The following ZBTB7C variants were observed in gnomAD, a reference collection of about 807,000 sequenced individuals.
The protein encoded by ZBTB7C is zinc finger and BTB domain containing 7C.
A neutral mutation model predicts 25.7 loss-of-function variants in ZBTB7C; 8 were observed. The ratio of observed to expected loss-of-function variants is 0.31; its 90% confidence interval spans 0.18 to 0.56. ZBTB7C has a LOEUF of 0.56. ZBTB7C is among the 20% of genes least tolerant of loss of function. The probability of loss-of-function intolerance (pLI) is 0.91; values close to 1 mark genes in which losing one functional copy is unlikely to be tolerated. For synonymous variants in ZBTB7C, 394 were observed against 369.0 expected, an observed-to-expected ratio of 1.07 and a Z score of -0.78; for missense variants, 824 against 855.2, an observed-to-expected ratio of 0.96 and a Z score of 0.46.
At chr18:48,271,062 A>G (rs1289854957) in intron 2 of ZBTB7C, among the ~76,000 whole-genome samples, 3 of 152,222 alleles carry the variant, frequency 2.0e-5, no homozygotes, top group African/African-American at 7.2e-5. Flanking sequence ...AAAAACCTGC[A>G]TACATTAGTA....
intron 3 of ZBTB7C, chr18:48,083,739 T>G: frequency 1.3e-6 from 1 of 780,534 alleles, no homozygotes; most frequent in Non-Finnish European, 1.6e-6. Context: ...AAAAATGAAA[T>G]TAAAGAAGTT....
intron 4 of ZBTB7C, among the ~76,000 whole-genome samples, chr18:48,037,236 C>A (rs2036011661): frequency 6.6e-6 from 1 of 152,356 alleles, no homozygotes; most frequent in East Asian, 1.9e-4. Flanking sequence ...GCAGCTTCAG[C>A]TGGAGACAGG....
At chr18:48,157,893 A>C (rs1421463130) in intron 3 of ZBTB7C, among the ~76,000 whole-genome samples, 1 of 152,196 alleles carries the variant, frequency 6.6e-6, no homozygotes, top group Non-Finnish European at 1.5e-5. Context: ...TGTGTGCCCC[A>C]TCCTGTGGGA....
intron 3 of ZBTB7C, among the ~76,000 whole-genome samples, chr18:48,054,409 G>A (rs568703931): frequency 2.0e-5 from 3 of 152,256 alleles, no homozygotes; most frequent in East Asian, 1.9e-4. Flanking sequence ...GAGCTGCCGT[G>A]GGGGGTGGCA....
Position 48,259,423 on chromosome 18 carries a change from A to C in ZBTB7C, c.-78-73428T>G, listed in dbSNP as rs1268839062. 1.3e-5 allele frequency among the ~76,000 whole-genome samples: 2 copies of C among 148,756 alleles called. 1 individual carries two copies. Among genetic ancestry groups the C allele is most frequent in the Non-Finnish European group, 2.9e-5 (2 of 67,878 alleles). ...GACCACTGTCCTTAATGTAAAACCT[A>C]AAACTATAGAATTTTTGGACAAAAA... On this transcript the variant is annotated intron_variant, in intron 2 of 4. Transcript: ENST00000590800.
intron 4 of ZBTB7C, among the ~76,000 whole-genome samples, chr18:48,034,918 G>A (rs928784522): frequency 1.3e-5 from 2 of 152,148 alleles, no homozygotes; most frequent in African/African-American, 4.8e-5. Flanking sequence ...TGAGGTCTGT[G>A]GCCTCCAGAA....
intron 1 of ZBTB7C, among the ~76,000 whole-genome samples, chr18:48,360,233 T>C (rs1466807988): frequency 1.3e-5 from 2 of 152,224 alleles, no homozygotes; most frequent in Non-Finnish European, 2.9e-5. Flanking sequence ...TGCACCTCCT[T>C]GCACTTCAGA....
intron 3 of ZBTB7C, among the ~76,000 whole-genome samples, chr18:48,074,353 C>G (rs1344480036): frequency 6.6e-6 from 1 of 152,188 alleles, no homozygotes; most frequent in East Asian, 1.9e-4. Flanking sequence ...ATCTGGGGGG[C>G]AGTCATTCCT....
At chr18:48,391,706 C>T (rs889727466) in intron 1 of ZBTB7C, among the ~76,000 whole-genome samples, 17 of 152,180 alleles carry the variant, frequency 1.1e-4, no homozygotes, top group East Asian at 1.9e-4. Context: ...TTGAACTACA[C>T]GTGGTTGGGT....
intron 3 of ZBTB7C, among the ~76,000 whole-genome samples, chr18:48,057,409 A>G (rs1404647612): frequency 6.6e-6 from 1 of 152,194 alleles, no homozygotes; most frequent in East Asian, 1.9e-4. Context: ...AGAATGAGGC[A>G]TATCTGTATA....
At chr18:48,229,363 T>C (rs181670641) in intron 2 of ZBTB7C, among the ~76,000 whole-genome samples, 12 of 152,346 alleles carry the variant, frequency 7.9e-5, no homozygotes, top group Non-Finnish European at 1.6e-4. Context: ...TCCAATTTAC[T>C]GTACAATATC....
chr18:48,190,014 G>A (rs986107676), intron 2 of ZBTB7C, among the ~76,000 whole-genome samples: 3 of 152,152 alleles, frequency 2.0e-5, no homozygotes, highest in African/African-American at 7.2e-5. Flanking sequence ...GCCTGCTGTC[G>A]TGGGGAGAAA....
At chr18:48,065,493 C>A (rs954654730) in intron 3 of ZBTB7C, among the ~76,000 whole-genome samples, 6 of 152,204 alleles carry the variant, frequency 3.9e-5, no homozygotes, top group African/African-American at 1.4e-4. Context: ...ACAAGCACAC[C>A]TTCAGGTAAC....
intron 3 of ZBTB7C, chr18:48,150,751 A>G (rs2040652014): frequency 6.6e-6 from 1 of 152,200 alleles, no homozygotes; most frequent in Non-Finnish European, 1.5e-5. Context: ...CATAGTTAGC[A>G]GATTTACCTA....
chr18:48,352,147 T>C (rs1248999337), intron 1 of ZBTB7C, among the ~76,000 whole-genome samples: 1 of 152,198 alleles, frequency 6.6e-6, no homozygotes, highest in Non-Finnish European at 1.5e-5. Flanking sequence ...CCTCGCACCT[T>C]TGACTCTGAA....
At chr18:48,359,852 T>G (rs2047061746) in intron 1 of ZBTB7C, among the ~76,000 whole-genome samples, 1 of 152,106 alleles carries the variant, frequency 6.6e-6, no homozygotes, top group Non-Finnish European at 1.5e-5. Context: ...CCCCTGCCCT[T>G]CTAGGGGTGC....
Position 48,154,333 on chromosome 18 carries a change from G to A in ZBTB7C, c.-17+31601C>T, listed in dbSNP as rs183846905. Reference sequence around the variant, plus strand: ...TCCAGAGCCTTAGGGATACCTGAGCGGGGGAGGAGTGCTCTGCAGGCAGGG... The same window carrying A: ...TCCAGAGCCTTAGGGATACCTGAGCAGGGGAGGAGTGCTCTGCAGGCAGGG... On this transcript the variant is annotated intron_variant, in intron 3 of 4. Coordinates refer to ENST00000590800, the MANE Select transcript of ZBTB7C (RefSeq NM_001318841.2). Among the ~76,000 whole-genome samples, 72 of 152,332 alleles carry A rather than the reference G, an allele frequency of 4.7e-4. No homozygotes were observed. In the East Asian group the frequency reaches 0.012, roughly 26 times the overall value.
At chr18:48,048,877 A>G (rs554646335) in intron 3 of ZBTB7C, among the ~76,000 whole-genome samples, 1 of 152,282 alleles carries the variant, frequency 6.6e-6, no homozygotes, top group South Asian at 2.1e-4. Flanking sequence ...TCTAACCCAA[A>G]GAGCTTGGCA....
At chr18:48,268,350 C>T (rs2044374550) in intron 2 of ZBTB7C, among the ~76,000 whole-genome samples, 1 of 152,170 alleles carries the variant, frequency 6.6e-6, no homozygotes, top group Non-Finnish European at 1.5e-5. Flanking sequence ...GGGAGAGAGA[C>T]TTCAGCGCAG....
Sources: gnomAD v4.1 joint callset for allele counts (sites outside exome capture counted in the v4.1 genomes callset) on GRCh38, gnomAD v4.1.1 for gene constraint, MANE v1.5 for transcripts, NCBI Gene and HGNC (gene_info 2026-07-23, HGNC 2026-07-21) for gene names.